Variants in ADIPOR2 observed in about 807,000 individuals in gnomAD.
The protein encoded by ADIPOR2 is adiponectin receptor protein 2.
In ADIPOR2, 18 loss-of-function variants were observed where a neutral mutation model predicts 40.9. The ratio of observed to expected loss-of-function variants is 0.44; its 90% CI spans 0.30 to 0.65. The LOEUF is 0.65. Ranked by LOEUF, ADIPOR2 falls within the 30% of genes least tolerant of loss-of-function variation. The probability of loss-of-function intolerance (pLI) is 0.09; values close to 1 mark genes in which losing one functional copy is unlikely to be tolerated. For synonymous variants in ADIPOR2, 165 were observed against 166.4 expected, an observed-to-expected ratio of 0.99 and a Z score of 0.06; for missense variants, 283 against 479.2, an observed-to-expected ratio of 0.59 and a Z score of 3.82.
chr12:1,749,191 T>C (rs2094763596), intron 1 of ADIPOR2, among the ~76,000 whole-genome samples: 1 of 152,246 alleles, frequency 6.6e-6, no homozygotes, highest in African/African-American at 2.4e-5. Flanking sequence ...ATGTCCTCCC[T>C]GGATGCTCCA....
intron 1 of ADIPOR2, among the ~76,000 whole-genome samples, chr12:1,715,272 C>G (rs1002535620): frequency 6.6e-6 from 1 of 152,070 alleles, no homozygotes; most frequent in Non-Finnish European, 1.5e-5. Flanking sequence ...AAAGGTCAAG[C>G]TGCAGGATAG....
At chr12:1,695,016 T>G (rs1213015189) in intron 1 of ADIPOR2, among the ~76,000 whole-genome samples, 1 of 125,940 alleles carries the variant, frequency 7.9e-6, no homozygotes, top group African/African-American at 2.7e-5. Context: ...TTGCAGTTTT[T>G]TTTTTTTTTT....
rs1321698462 is a variant in ADIPOR2, at chr12:1,786,829, G to T, written c.*757G>T. ...CATGACCACTCCCTTTGGGAGGCCT[G>T]AGGTAGAGGGGAGTGGTATGTGTTT... On this transcript the variant is annotated 3_prime_UTR_variant, in exon 8 of 8. Transcript: ENST00000357103. The T allele has an allele frequency of 6.6e-6, 1 of 152,338 alleles. No individual in the cohort carries two copies. The highest frequency in any genetic ancestry group is 1.5e-5 in the Non-Finnish European group (1 of 68,062). The allele number at this position is 152,338 out of a possible 1,614,324, so 9.4% of individuals were successfully genotyped here. A position where few individuals can be genotyped will look rare whatever the true frequency, so the allele number is the denominator to read the frequency against.
intron 3 of ADIPOR2, among the ~76,000 whole-genome samples, chr12:1,774,511 C>T (rs537007259): frequency 1.1e-4 from 17 of 152,288 alleles, no homozygotes; most frequent in African/African-American, 3.6e-4. Flanking sequence ...TCTAGTGGCA[C>T]AGGGATTCTA....
intron 4 of ADIPOR2, 181 bp downstream of exon 4, chr12:1,778,206 T>C (rs1250913744): frequency 4.6e-6 from 3 of 648,254 alleles, no homozygotes; most frequent in Non-Finnish European, 7.1e-6. Context: ...TGCACTATGA[T>C]TTTGTTATAA....
chr12:1,693,424 C>T (rs1017872319), intron 1 of ADIPOR2, among the ~76,000 whole-genome samples: 1 of 151,678 alleles, frequency 6.6e-6, no homozygotes, highest in Non-Finnish European at 1.5e-5. Context: ...TTTACAAGTA[C>T]ACCACTTGGG....
chr12:1,777,788 TA>T (rs1862628912), intron 3 of ADIPOR2, 65 bp from the exon 4 acceptor site: 1 of 1,457,778 alleles, frequency 6.9e-7, no homozygotes, highest in Non-Finnish European at 9.4e-7. Flanking sequence ...ACACAGTTGT[TA>T]GGGGTCAGTG....
intron 1 of ADIPOR2, among the ~76,000 whole-genome samples, chr12:1,725,473 G>A (rs2094706101): frequency 6.6e-6 from 1 of 151,986 alleles, no homozygotes. Context: ...TGAAAAACTG[G>A]TATACATGTA....
At position 1,761,079 on chromosome 12, in the gene ADIPOR2, GGTT is replaced by G. The variant is rs1227540104; in HGVS notation, c.171+6569_171+6571del. 4.6e-5 allele frequency: 7 copies of G among 151,984 alleles called. No individual in the cohort carries two copies. In the East Asian group the frequency reaches 5.8e-4, roughly 13 times the overall value. The allele number at this position is 151,984 out of a possible 1,614,324, so 9.4% of individuals were successfully genotyped here. A position where few individuals can be genotyped will look rare whatever the true frequency, so the allele number is the denominator to read the frequency against. On this transcript the variant is annotated intron_variant, in intron 2 of 7. Transcript: ENST00000357103. The stretch of plus-strand genomic sequence containing the variant: ...GTTATAATTGTTCTATTTTATTATT[GGTT>G]GTTAATCTCTTACTGTACCTAATTT...
rs149411618 is a variant in ADIPOR2 at position 1,745,923 on chromosome 12, C to G, written c.-86-8335C>G. Among the ~76,000 whole-genome samples the G allele has an allele frequency of 3.3e-5, 5 of 150,690 alleles. No homozygotes were observed. In the East Asian group the frequency reaches 9.7e-4, roughly 29 times the overall value. On this transcript the variant is annotated intron_variant, in intron 1 of 7. Transcript: ENST00000357103. Reference sequence around the variant, plus strand: ...GTGTTTTCATAAAACATATGTTACACGAACTTTTTGAAGATCCCTTGTACC... The same window carrying G: ...GTGTTTTCATAAAACATATGTTACAGGAACTTTTTGAAGATCCCTTGTACC...
chr12:1,750,994 G>C (rs145740603), intron 1 of ADIPOR2, among the ~76,000 whole-genome samples: 25 of 147,928 alleles, frequency 1.7e-4, no homozygotes, highest in African/African-American at 5.2e-4. Context: ...CCATTTTCTG[G>C]CTTTAGACTC....
At chr12:1,749,735 A>G (rs2094764812) in intron 1 of ADIPOR2, among the ~76,000 whole-genome samples, 1 of 152,088 alleles carries the variant, frequency 6.6e-6, no homozygotes, top group African/African-American at 2.4e-5. Flanking sequence ...TCTTGATAGG[A>G]ATTGTATTAA....
intron 1 of ADIPOR2, among the ~76,000 whole-genome samples, chr12:1,729,289 AAG>A (rs1304901429): frequency 1.3e-5 from 2 of 152,068 alleles, no homozygotes; most frequent in Non-Finnish European, 2.9e-5. Flanking sequence ...TTTTTGGAGA[AAG>A]GAAATATTTC....
chr12:1,757,494 T>C (rs1436351776), intron 2 of ADIPOR2: 1 of 748,208 alleles, frequency 1.3e-6, no homozygotes, highest in Non-Finnish European at 2.5e-6. Context: ...TAGGTTACCA[T>C]TGTCAAACTT....
At chr12:1,738,302 A>T (rs2094735456) in intron 1 of ADIPOR2, among the ~76,000 whole-genome samples, 1 of 151,814 alleles carries the variant, frequency 6.6e-6, no homozygotes, top group African/African-American at 2.4e-5. Flanking sequence ...GATCACTTGA[A>T]TCTGGGAAAT....
rs1862695621 is a variant in ADIPOR2, at chr12:1,780,626, G to A, written c.639G>A (p.Arg213=). The A allele has an allele frequency of 3.8e-6, 6 of 1,592,512 alleles. No individual in the cohort carries two copies. The highest frequency in any genetic ancestry group is 5.1e-6 in the Non-Finnish European group (6 of 1,173,080). Residue 213 remains arginine, a synonymous_variant, in exon 5 of 8, where the codon CGG becomes CGA. Coordinates refer to ENST00000357103, the MANE Select transcript of ADIPOR2 (RefSeq NM_024551.3). The stretch of plus-strand genomic sequence containing the variant: ...ACTGCCACTCAGAGGGGGTCTCTCG[G>A]CTCTTCTCTAAGTAAGTATCTGTAA... The part of the protein sequence containing the change: ...TVYCHSEGVS[R]LFSKLDYSGI...
Position 1,784,070 on chromosome 12 carries a change from C to A in ADIPOR2, c.1029C>A (p.Ile343=). ...GCTTTTTCCCTGGCAAATGTGACAT[C>A]TGGGTAAGTATGTCGGGGTGACTGA... ...PERFFPGKCD[I]WFHSHQLFHI... is the part of the protein sequence containing the mutation. Residue 343 remains isoleucine (I), a synonymous_variant, in exon 7 of 8, where the codon ATC becomes ATA. Transcript: ENST00000357103. The A allele has an allele frequency of 1.3e-6, 2 of 1,589,136 alleles. No homozygotes were observed. Among genetic ancestry groups the A allele is most frequent in the Non-Finnish European group, 1.7e-6 (2 of 1,164,902 alleles).
At chr12:1,780,777 T>G in intron 5 of ADIPOR2, 112 bp from the exon 6 acceptor site, 1 of 1,360,874 alleles carries the variant, frequency 7.3e-7, no homozygotes, top group Non-Finnish European at 9.9e-7. Flanking sequence ...AGCAACCCAG[T>G]TTGGCTCTTA....
rs373126613 is a variant in ADIPOR2, at chr12:1,721,309, G to T, written c.-87+30118G>T. 7.0e-5 allele frequency among the ~76,000 whole-genome samples: 10 copies of T among 142,450 alleles called. No individual in the cohort carries two copies. The East Asian group carries it at 1.7e-3, about 25-fold the overall frequency. 93.5% of individuals were successfully genotyped at this position (142,450 alleles called of 152,430 possible). A position where few individuals can be genotyped will look rare whatever the true frequency, so the allele number is the denominator to read the frequency against. ...CGGCTCACTGCAACCTCCACCTCCC[G>T]GGTTCAAGTGATTCTCTTCCCTCAG... is the stretch of plus-strand genomic sequence containing the variant. On this transcript the variant is annotated intron_variant, in intron 1 of 7. Transcript: ENST00000357103.
Sources: allele counts gnomAD v4.1 joint callset (sites outside exome capture counted in the v4.1 genomes callset), GRCh38; gene constraint gnomAD v4.1.1; transcripts MANE v1.5; gene names NCBI Gene and HGNC (gene_info 2026-07-23, HGNC 2026-07-21).